Variants in SLC24A4 observed in about 807,000 individuals in gnomAD.
The protein encoded by SLC24A4 is solute carrier family 24 member 4.
Under a neutral mutation model 79.0 loss-of-function variants are expected in SLC24A4, and 53 were observed. That is an observed-to-expected ratio of 0.67 (90% CI 0.54 to 0.84). The LOEUF (loss-of-function observed/expected upper bound fraction) is 0.84. SLC24A4 is among the 40% of genes least tolerant of loss of function. The probability of loss-of-function intolerance (pLI) is 0.00; values close to 1 mark genes in which losing one functional copy is unlikely to be tolerated. For synonymous variants in SLC24A4, 323 were observed against 323.8 expected (o/e 1.00, Z 0.03); for missense variants, 731 against 822.0 (o/e 0.89, Z 1.35).
At chr14:92,480,757 C>T (rs1895022191) in intron 12 of SLC24A4, among the ~76,000 whole-genome samples, 1 of 151,940 alleles carries the variant, frequency 6.6e-6, no homozygotes, top group South Asian at 2.1e-4. Context: ...TATGTTATTT[C>T]ATTTCCCATG....
At chr14:92,404,030 G>C (rs543009828) in intron 2 of SLC24A4, among the ~76,000 whole-genome samples, 52 of 152,192 alleles carry the variant, frequency 3.4e-4, no homozygotes, top group Middle Eastern at 6.8e-3. Context: ...TTTTGAACAG[G>C]CTTCACTCTG....
At position 92,442,134 on chromosome 14, in the gene SLC24A4, G is replaced by A. The variant is rs763427713; in HGVS notation, c.439G>A (p.Ala147Thr). Residue 147 changes from alanine (A) to threonine (T), a missense_variant, in exon 5 of 17, where the codon GCA (alanine) becomes ACA (threonine). Coordinates refer to ENST00000532405, the MANE Select transcript of SLC24A4 (RefSeq NM_153646.4). ...TGTGGCTGGAGCCACCTTCATGGCT[G>A]CAGGAAGCTCAACGCCAGAGCTGTT... ...EDVAGATFMA[A>T]GSSTPELFAS... 5 of 1,613,864 alleles carry A rather than the reference G, an allele frequency of 3.1e-6. No homozygotes were observed. The highest frequency in any genetic ancestry group is 4.2e-6 in the Non-Finnish European group (5 of 1,179,936).
At chr14:92,464,458 G>A (rs999676239) in intron 12 of SLC24A4, among the ~76,000 whole-genome samples, 2 of 152,076 alleles carry the variant, frequency 1.3e-5, no homozygotes, top group Admixed American at 6.5e-5. Flanking sequence ...TGCCAGCAAC[G>A]AAAGCCCACC....
intron 2 of SLC24A4, among the ~76,000 whole-genome samples, chr14:92,347,650 C>T (rs551809539): frequency 2.0e-5 from 3 of 152,216 alleles, no homozygotes; most frequent in East Asian, 1.9e-4. Context: ...CTTTCAAGGC[C>T]GGGTGAGGTG....
chr14:92,410,964 C>T (rs934617086), intron 2 of SLC24A4, among the ~76,000 whole-genome samples: 3 of 152,164 alleles, frequency 2.0e-5, no homozygotes, highest in Non-Finnish European at 2.9e-5. Flanking sequence ...TGCATATACC[C>T]GTGGGAAGTG....
At position 92,418,992 on chromosome 14, in the gene SLC24A4, G is replaced by A. The variant is rs146453956; in HGVS notation, c.242-14920G>A. On this transcript the variant is annotated intron_variant, in intron 2 of 16. Coordinates refer to ENST00000532405, the MANE Select transcript of SLC24A4 (RefSeq NM_153646.4). ...GCTGGGATTACAGGCATGAGCCACCGCACCCGGCCAATTTTTGTGTTCTTT... is the reference window on the plus strand; with the variant it reads ...GCTGGGATTACAGGCATGAGCCACCACACCCGGCCAATTTTTGTGTTCTTT... Among the ~76,000 whole-genome samples the A allele has an allele frequency of 4.0e-3, 616 of 152,226 alleles. 1 individual carries two copies. Among genetic ancestry groups the A allele is most frequent in the Non-Finnish European group, 6.3e-3 (427 of 68,010 alleles).
chr14:92,330,212 G>T (rs1885391017), intron 2 of SLC24A4, among the ~76,000 whole-genome samples: 1 of 152,200 alleles, frequency 6.6e-6, no homozygotes, highest in African/African-American at 2.4e-5. Context: ...CTGGGCTAGA[G>T]CACTGCTGGA....
Position 92,476,303 on chromosome 14 carries a change from AC to A in SLC24A4, c.1256-6375del. Reference sequence around the variant, plus strand: ...GAGAAGAACGTGGAATTTTGGACAAACCAATCAAGGCAGGAAAACTTTTGGC... The same window carrying A: ...GAGAAGAACGTGGAATTTTGGACAAACAATCAAGGCAGGAAAACTTTTGGC... On this transcript the variant is annotated intron_variant, in intron 12 of 16. Coordinates refer to ENST00000532405, the MANE Select transcript of SLC24A4 (RefSeq NM_153646.4). Among the ~76,000 whole-genome samples the A allele has an allele frequency of 1.3e-5, 2 of 152,278 alleles. 1 individual carries two copies. The highest frequency in any genetic ancestry group is 6.8e-3 in the Middle Eastern group (2 of 294).
rs946867928 is a variant in SLC24A4 at position 92,465,231 on chromosome 14, G to T, written c.1255+8623G>T. On this transcript the variant is annotated intron_variant, in intron 12 of 16. Coordinates refer to ENST00000532405, the MANE Select transcript of SLC24A4 (RefSeq NM_153646.4). Reference sequence around the variant, plus strand: ...ATCTGCCCAGGGGTCCTTGAAGTGGGTGGGCCGGGACAGTTATCACTGTCT... The same window carrying T: ...ATCTGCCCAGGGGTCCTTGAAGTGGTTGGGCCGGGACAGTTATCACTGTCT... Among the ~76,000 whole-genome samples, 5 of 152,180 alleles carry T rather than the reference G, an allele frequency of 3.3e-5. 1 individual carries two copies. Among genetic ancestry groups the T allele is most frequent in the Admixed American group, 3.3e-4 (5 of 15,276 alleles).
At chr14:92,447,324 T>C (rs757723729) in intron 8 of SLC24A4, 47 bp from the exon 9 acceptor site, 7 of 1,587,796 alleles carry the variant, frequency 4.4e-6, no homozygotes, top group African/African-American at 4.0e-5. Context: ...AGCCTTCACC[T>C]GCCCCGGGCC....
Position 92,434,054 on chromosome 14 carries a change from A to G in SLC24A4, c.318+66A>G, listed in dbSNP as rs1484980375. 4 of 1,264,858 alleles carry G rather than the reference A, an allele frequency of 3.2e-6. No homozygotes were observed. In the East Asian group the frequency reaches 9.2e-5, roughly 29 times the overall value. 78.4% of individuals were successfully genotyped at this position (1,264,858 alleles called of 1,614,324 possible). ...ATGAAGCCTCTCTGCACAGCGGGGCAGAGCCGTGGCGTGTCTGAGATCTTT... is the reference window on the plus strand; with the variant it reads ...ATGAAGCCTCTCTGCACAGCGGGGCGGAGCCGTGGCGTGTCTGAGATCTTT... On this transcript the variant is annotated intron_variant, in intron 3 of 16. Coordinates refer to ENST00000532405, the MANE Select transcript of SLC24A4 (RefSeq NM_153646.4).
Position 92,493,505 on chromosome 14 carries a change from A to G in SLC24A4, c.1746A>G (p.Arg582=), listed in dbSNP as rs1390307774. The change falls in exon 17 of 17, where the codon CGA becomes CGG. Residue 582 remains arginine (R), a synonymous_variant. Transcript: ENST00000532405. ...TVLGIHLNKW[R]LDRKLGVYVL... ...TCGGCATCCACCTAAACAAGTGGCG[A>G]CTGGACCGGAAGCTGGGTGTCTACG... 2.5e-6 allele frequency: 4 copies of G among 1,614,222 alleles called. No homozygotes were observed. Among genetic ancestry groups the G allele is most frequent in the Non-Finnish European group, 3.4e-6 (4 of 1,180,044 alleles).
At chr14:92,396,499 T>TG (rs1421756422) in intron 2 of SLC24A4, among the ~76,000 whole-genome samples, 1 of 152,182 alleles carries the variant, frequency 6.6e-6, no homozygotes, top group Non-Finnish European at 1.5e-5. Context: ...ATAAAAGGTT[T>TG]GGGAACCCTT....
At chr14:92,368,077 T>C (rs1476278164) in intron 2 of SLC24A4, among the ~76,000 whole-genome samples, 1 of 152,198 alleles carries the variant, frequency 6.6e-6, no homozygotes, top group East Asian at 1.9e-4. Flanking sequence ...AGCAGACATA[T>C]CTTATTAGTG....
intron 2 of SLC24A4, among the ~76,000 whole-genome samples, chr14:92,403,102 T>C (rs1890195270): frequency 6.6e-6 from 1 of 151,902 alleles, no homozygotes; most frequent in Non-Finnish European, 1.5e-5. Context: ...GGACAGGGAG[T>C]TGAGAAGACA....
At chr14:92,430,053 A>C (rs8021003) in intron 2 of SLC24A4, among the ~76,000 whole-genome samples, 88,000 of 152,134 alleles carry the variant, frequency 0.58, 25,877 homozygotes, top group East Asian at 0.81. Flanking sequence ...TGCCTAATCC[A>C]GTGCCTGGCA....
chr14:92,372,123 T>A (rs1888203675), intron 2 of SLC24A4, among the ~76,000 whole-genome samples: 1 of 152,236 alleles, frequency 6.6e-6, no homozygotes, highest in Non-Finnish European at 1.5e-5. Context: ...ATCTCTGGCC[T>A]GCATTTTGAA....
At chr14:92,402,122 A>G (rs889675997) in intron 2 of SLC24A4, among the ~76,000 whole-genome samples, 17 of 152,146 alleles carry the variant, frequency 1.1e-4, no homozygotes, top group African/African-American at 4.1e-4. Flanking sequence ...TGTTTCAAGT[A>G]CCAGGGCAAA....
intron 2 of SLC24A4, among the ~76,000 whole-genome samples, chr14:92,333,773 T>C (rs1421409092): frequency 2.6e-5 from 4 of 152,176 alleles, no homozygotes; most frequent in African/African-American, 9.6e-5. Flanking sequence ...CCACCCTTAC[T>C]TTTTATTCTG....
Sources: allele counts gnomAD v4.1 joint callset (sites outside exome capture counted in the v4.1 genomes callset), GRCh38; gene constraint gnomAD v4.1.1; transcripts MANE v1.5; gene names NCBI Gene and HGNC (gene_info 2026-07-23, HGNC 2026-07-21).